TACC1: variants seen among roughly 807,000 people sequenced by gnomAD.
The protein encoded by TACC1 is transforming acidic coiled-coil containing protein 1, also known as transforming acidic coiled-coil-containing protein 1.
A neutral mutation model predicts 84.4 loss-of-function variants in TACC1; 48 were observed. The ratio of observed to expected loss-of-function variants is 0.57; its 90% CI spans 0.45 to 0.72. The LOEUF is 0.72. TACC1 is among the 30% of genes least tolerant of loss of function. The pLI, the probability that TACC1 is intolerant of heterozygous loss-of-function variation, is 0.00. For synonymous variants in TACC1, 372 were observed against 376.3 expected (o/e 0.99, Z 0.13); for missense variants, 920 against 973.0 (o/e 0.95, Z 0.72).
At chr8:38,743,127 G>C (rs1282486304) in intron 2 of TACC1, among the ~76,000 whole-genome samples, 1 of 152,094 alleles carries the variant, frequency 6.6e-6, no homozygotes, top group African/African-American at 2.4e-5. Context: ...TCATTGTTTA[G>C]GCAGTGCCAA....
At chr8:38,739,854 C>T (rs892784432) in intron 1 of TACC1, among the ~76,000 whole-genome samples, 1 of 152,150 alleles carries the variant, frequency 6.6e-6, no homozygotes. Flanking sequence ...GGCTGTGATG[C>T]AGGAAAAACA....
upstream of TACC1, among the ~76,000 whole-genome samples, chr8:38,786,419 T>TGGGGTCAGGCGC (rs568618848): frequency 8.3e-4 from 127 of 152,198 alleles, 1 homozygote; most frequent in East Asian, 0.024. Flanking sequence ...AAAAGGAGAA[T>TGGGGTCAGGCGC]GGGGTCAGGC....
Position 38,802,740 on chromosome 8 carries a change from G to T in TACC1, c.277+13921G>T, listed in dbSNP as rs940027160. On this transcript the variant is annotated intron_variant, in intron 2 of 12. Transcript: ENST00000317827. ...ATGGCAGAAGGCAAAGGTGGAGCAGGTGTGTCACATGGTGAGAGACGAGAA... is the reference window on the plus strand; with the variant it reads ...ATGGCAGAAGGCAAAGGTGGAGCAGTTGTGTCACATGGTGAGAGACGAGAA... Among the ~76,000 whole-genome samples, 5 of 152,298 alleles carry T rather than the reference G, an allele frequency of 3.3e-5. No homozygotes were observed. The South Asian group carries it at 1.0e-3, about 32-fold the overall frequency.
intron 2 of TACC1, among the ~76,000 whole-genome samples, chr8:38,808,284 A>G (rs1003570016): frequency 1.3e-5 from 2 of 152,250 alleles, no homozygotes; most frequent in African/African-American, 4.8e-5. Context: ...GATGAAAAGC[A>G]AGGCCTGACA....
intron 2 of TACC1, among the ~76,000 whole-genome samples, chr8:38,791,695 T>C (rs1280644793): frequency 6.6e-6 from 1 of 152,236 alleles, no homozygotes; most frequent in Admixed American, 6.5e-5. Flanking sequence ...TTCATACTTT[T>C]GTGGTTCCAA....
intron 3 of TACC1, among the ~76,000 whole-genome samples, chr8:38,821,438 G>A (rs893844154): frequency 2.6e-5 from 4 of 152,202 alleles, no homozygotes; most frequent in Admixed American, 6.5e-5. Context: ...TACATAAACA[G>A]AAAGCTGTGA....
intron 1 of TACC1, among the ~76,000 whole-genome samples, chr8:38,729,187 C>T (rs1214427648): frequency 6.6e-6 from 1 of 152,076 alleles, no homozygotes; most frequent in Non-Finnish European, 1.5e-5. Context: ...TTCTTCTGGC[C>T]CAGATGCTCT....
chr8:38,846,117 A>G (rs944149798), intron 11 of TACC1: 1 of 151,218 alleles, frequency 6.6e-6, no homozygotes, highest in Admixed American at 6.6e-5. Context: ...CGTCTCTACT[A>G]AAAATAAAAA....
intron 2 of TACC1, among the ~76,000 whole-genome samples, chr8:38,795,819 C>A (rs970087707): frequency 6.6e-6 from 1 of 152,114 alleles, no homozygotes; most frequent in African/African-American, 2.4e-5. Flanking sequence ...ATGTACATGA[C>A]CTAATTTTAT....
chr8:38,842,546 T>C, intron 10 of TACC1, 99 bp downstream of exon 10: 1 of 1,303,106 alleles, frequency 7.7e-7, no homozygotes, highest in South Asian at 1.6e-5. Context: ...GTGGGTATCC[T>C]TTTAAATAGG....
chr8:38,737,159 C>A (rs928579109), intron 1 of TACC1, among the ~76,000 whole-genome samples: 1 of 152,136 alleles, frequency 6.6e-6, no homozygotes, highest in African/African-American at 2.4e-5. Flanking sequence ...AGTGACAAGG[C>A]CCGGACTAAA....
intron 3 of TACC1, among the ~76,000 whole-genome samples, chr8:38,823,649 G>A (rs1419802633): frequency 6.6e-6 from 1 of 152,116 alleles, no homozygotes; most frequent in Non-Finnish European, 1.5e-5. Flanking sequence ...ACTTAATAGG[G>A]CTTTTTTTAA....
intron 3 of TACC1, among the ~76,000 whole-genome samples, chr8:38,752,351 G>A (rs957473669): frequency 6.6e-6 from 1 of 152,200 alleles, no homozygotes; most frequent in Middle Eastern, 3.4e-3. Context: ...TGTGCCTGTA[G>A]TCGCAGCTAC....
chr8:38,769,233 C>A (rs563656551), intron 3 of TACC1, among the ~76,000 whole-genome samples: 23 of 101,638 alleles, frequency 2.3e-4, no homozygotes, highest in Non-Finnish European at 4.1e-4. Flanking sequence ...GTGTATGAGA[C>A]TGTGTATGGG....
intron 3 of TACC1, among the ~76,000 whole-genome samples, chr8:38,823,704 G>A (rs1324027686): frequency 6.6e-6 from 1 of 152,142 alleles, no homozygotes. Flanking sequence ...CTTTTTAGAA[G>A]AAAGGAGTGC....
At chr8:38,775,021 A>G (rs2151912329) in intron 3 of TACC1, among the ~76,000 whole-genome samples, 1 of 152,126 alleles carries the variant, frequency 6.6e-6, no homozygotes, top group African/African-American at 2.4e-5. Context: ...AAAAAAAAAA[A>G]AAAAAAAATG....
intron 5 of TACC1, 149 bp downstream of exon 5, chr8:38,827,524 C>A: frequency 1.3e-6 from 1 of 776,166 alleles, no homozygotes; most frequent in Non-Finnish European, 2.0e-6. Context: ...GCTTCTTTAC[C>A]TGGAAAAGGG....
chr8:38,852,106 C>A lies in TACC1; in HGVS notation c.*4083C>A. Reference sequence around the variant, plus strand: ...CCAGGGAAGACCCATCCCCTAGTGCCAGAGCTTGCATCCTGGAGACTAAAG... The same window carrying A: ...CCAGGGAAGACCCATCCCCTAGTGCAAGAGCTTGCATCCTGGAGACTAAAG... On this transcript the variant is annotated 3_prime_UTR_variant, in exon 13 of 13. Transcript: ENST00000317827. The A allele has an allele frequency of 3.0e-6, 1 of 333,154 alleles. No individual in the cohort carries two copies. Among genetic ancestry groups the A allele is most frequent in the Non-Finnish European group, 6.2e-6 (1 of 162,474 alleles). 20.6% of individuals were successfully genotyped at this position (333,154 alleles called of 1,614,324 possible).
chr8:38,798,640 T>G (rs1265290337), intron 2 of TACC1, among the ~76,000 whole-genome samples: 1 of 149,988 alleles, frequency 6.7e-6, no homozygotes, highest in Non-Finnish European at 1.5e-5. Context: ...TGTGTGTGTG[T>G]ATGTGTATTT....
Sources: allele counts gnomAD v4.1 joint callset (sites outside exome capture counted in the v4.1 genomes callset), GRCh38; gene constraint gnomAD v4.1.1; transcripts MANE v1.5; gene names NCBI Gene and HGNC (gene_info 2026-07-23, HGNC 2026-07-21).